Variants in CLASP1 observed in about 807,000 individuals in gnomAD.
CLASP1 encodes CLIP-associating protein 1.
CLASP1 carries 38 observed loss-of-function variants against 192.3 expected under a neutral mutation model. The observed-to-expected ratio is 0.20, with a 90% confidence interval of 0.15 to 0.26. The LOEUF (loss-of-function observed/expected upper bound fraction) is 0.26, where lower values mean the gene tolerates loss of function less well. Among genes scored for constraint, CLASP1 ranks in the 10% least tolerant of loss-of-function variants. CLASP1 has a pLI of 1.00. For missense variants in CLASP1, 1,433 were observed against 1,932.5 expected (o/e 0.74, Z 4.85); for synonymous variants, 691 against 712.8 (o/e 0.97, Z 0.49).
chr2:121,472,917 CAGG>C (rs2091008339), intron 8 of CLASP1, among the ~76,000 whole-genome samples: 1 of 152,216 alleles, frequency 6.6e-6, no homozygotes, highest in Non-Finnish European at 1.5e-5. Context: ...AGCTTAAAAG[CAGG>C]CCTACAGGGC....
chr2:121,570,320 G>T (rs898512432), intron 2 of CLASP1, among the ~76,000 whole-genome samples: 1 of 152,202 alleles, frequency 6.6e-6, no homozygotes, highest in Non-Finnish European at 1.5e-5. Context: ...ATGTGATCTA[G>T]AATTCAGTGC....
chr2:121,578,481 A>G (rs773174640), intron 2 of CLASP1, among the ~76,000 whole-genome samples: 8 of 150,170 alleles, frequency 5.3e-5, no homozygotes, highest in Admixed American at 2.0e-4. Context: ...TGTAATCCCA[A>G]CACTTTGGGA....
intron 1 of CLASP1, among the ~76,000 whole-genome samples, chr2:121,619,259 C>T (rs2066937622): frequency 6.6e-6 from 1 of 152,198 alleles, no homozygotes; most frequent in East Asian, 1.9e-4. Context: ...GATAAAATTA[C>T]AGGCCCCTTA....
chr2:121,616,353 A>G (rs1322970986), intron 1 of CLASP1, among the ~76,000 whole-genome samples: 1 of 152,182 alleles, frequency 6.6e-6, no homozygotes, highest in Non-Finnish European at 1.5e-5. Context: ...AGGCTGAGAC[A>G]ATAGAATCGC....
chr2:121,617,459 G>A (rs1299218885), intron 1 of CLASP1, among the ~76,000 whole-genome samples: 13 of 152,092 alleles, frequency 8.5e-5, no homozygotes, highest in Non-Finnish European at 1.5e-4. Context: ...GTCTACACCA[G>A]CCAGCTCCAC....
At chr2:121,449,481 A>C (rs2084996242) in intron 16 of CLASP1, among the ~76,000 whole-genome samples, 2 of 152,146 alleles carry the variant, frequency 1.3e-5, no homozygotes, top group African/African-American at 2.4e-5. Flanking sequence ...TATACATGCA[A>C]TTTTACATCT....
At chr2:121,470,170 C>G in intron 8 of CLASP1, 2 of 636,068 alleles carry the variant, frequency 3.1e-6, no homozygotes, top group Non-Finnish European at 5.7e-6. Context: ...TTCACATACC[C>G]AGAATACTTT....
At chr2:121,610,050 T>A (rs1454821435) in intron 1 of CLASP1, among the ~76,000 whole-genome samples, 2 of 152,242 alleles carry the variant, frequency 1.3e-5, no homozygotes, top group Non-Finnish European at 2.9e-5. Flanking sequence ...TCCCTGAATC[T>A]TCTAGGAAGG....
chr2:121,479,408 G>C (rs1345912517), intron 8 of CLASP1, among the ~76,000 whole-genome samples: 1 of 152,022 alleles, frequency 6.6e-6, no homozygotes, highest in Non-Finnish European at 1.5e-5. Flanking sequence ...AACAACAATA[G>C]CATCAATAAA....
At chr2:121,527,465 T>C (rs2094601808) in intron 5 of CLASP1, among the ~76,000 whole-genome samples, 1 of 152,180 alleles carries the variant, frequency 6.6e-6, no homozygotes. Context: ...GAAATTCAAA[T>C]ACATTCATGG....
At chr2:121,583,487 TG>T (rs749827786) in intron 2 of CLASP1, among the ~76,000 whole-genome samples, 2 of 152,178 alleles carry the variant, frequency 1.3e-5, no homozygotes, top group Non-Finnish European at 2.9e-5. Context: ...AAATACATGG[TG>T]ATTATCTTCA....
intron 9 of CLASP1, among the ~76,000 whole-genome samples, chr2:121,465,377 C>T (rs1327449538): frequency 6.6e-6 from 1 of 151,956 alleles, no homozygotes; most frequent in Non-Finnish European, 1.5e-5. Context: ...ACACCAATAA[C>T]AGACAAACAG....
intron 20 of CLASP1, among the ~76,000 whole-genome samples, chr2:121,428,206 C>T (rs1239498540): frequency 3.0e-4 from 45 of 152,154 alleles, no homozygotes. Flanking sequence ...ATCTTCACCA[C>T]CTGCCAAGGT....
At chr2:121,503,482 C>T (rs2093828755) in intron 7 of CLASP1, among the ~76,000 whole-genome samples, 1 of 152,206 alleles carries the variant, frequency 6.6e-6, no homozygotes, top group Admixed American at 6.5e-5. Flanking sequence ...CTTGAGGTGA[C>T]ACAGGTGTGG....
At chr2:121,554,447 CA>C (rs2058338986) in intron 2 of CLASP1, among the ~76,000 whole-genome samples, 1 of 56,044 alleles carries the variant, frequency 1.8e-5, no homozygotes, top group Non-Finnish European at 2.9e-5. Context: ...CCTGCCTCTA[CA>C]AAAAGTAAAA....
At chr2:121,377,851 C>T (rs1409950908) in intron 33 of CLASP1, among the ~76,000 whole-genome samples, 2 of 152,100 alleles carry the variant, frequency 1.3e-5, no homozygotes, top group Non-Finnish European at 2.9e-5. Flanking sequence ...ATCTGCCAAA[C>T]ACATTACATC....
chr2:121,420,342 T>C (rs997299295), intron 22 of CLASP1, among the ~76,000 whole-genome samples: 1 of 152,182 alleles, frequency 6.6e-6, no homozygotes, highest in Non-Finnish European at 1.5e-5. Flanking sequence ...CAAAAGGAGA[T>C]GCCAAATTAA....
chr2:121,614,384 T>C (rs2066118536), intron 1 of CLASP1, among the ~76,000 whole-genome samples: 1 of 152,094 alleles, frequency 6.6e-6, no homozygotes, highest in African/African-American at 2.4e-5. Context: ...TAATCCCAGC[T>C]ACTCAAGAGG....
intron 9 of CLASP1, 21 bp downstream of exon 9, chr2:121,469,787 C>T: frequency 1.3e-6 from 2 of 1,595,656 alleles, no homozygotes; most frequent in Non-Finnish European, 1.7e-6. Flanking sequence ...CCCCAGAACG[C>T]CACACAGGGC....
Sources: gnomAD v4.1 joint callset for allele counts (sites outside exome capture counted in the v4.1 genomes callset) on GRCh38, gnomAD v4.1.1 for gene constraint, MANE v1.5 for transcripts, NCBI Gene and HGNC (gene_info 2026-07-23, HGNC 2026-07-21) for gene names.